The following DNM2 variants were observed in gnomAD, a reference collection of about 807,000 sequenced individuals.
The protein encoded by DNM2 is dynamin 2.
DNM2 carries 15 observed loss-of-function variants against 99.0 expected under a neutral mutation model. That is an observed-to-expected ratio of 0.15 (90% CI 0.10 to 0.23). The LOEUF (loss-of-function observed/expected upper bound fraction) is 0.23, where lower values mean the gene tolerates loss of function less well. Ranked by LOEUF, DNM2 falls within the 10% of genes least tolerant of loss-of-function variation. The probability of loss-of-function intolerance (pLI) is 1.00; values close to 1 mark genes in which losing one functional copy is unlikely to be tolerated. For synonymous variants in DNM2, 525 were observed against 481.2 expected (o/e 1.09, Z -1.19); for missense variants, 742 against 1,189.4 (o/e 0.62, Z 5.53).
At chr19:10,745,429 G>T (rs1316699787) in intron 1 of DNM2, among the ~76,000 whole-genome samples, 1 of 152,214 alleles carries the variant, frequency 6.6e-6, no homozygotes, top group Non-Finnish European at 1.5e-5. Context: ...TTCTAGTTGG[G>T]ACTGTTAGAT....
At chr19:10,762,362 C>T (rs1271234663) in intron 2 of DNM2, among the ~76,000 whole-genome samples, 1 of 152,170 alleles carries the variant, frequency 6.6e-6, no homozygotes, top group Non-Finnish European at 1.5e-5. Context: ...TAATGAGTCC[C>T]TGGTGATGCT....
In DNM2 at chr19:10,831,076, G is replaced by T; in HGVS notation, c.*29G>T. The T allele has an allele frequency of 1.3e-6, 2 of 1,579,128 alleles. No homozygotes were observed. The highest frequency in any genetic ancestry group is 8.6e-7 in the Non-Finnish European group (1 of 1,162,478). ...TCGAGGGGGGCGTGCTCTCGGGGGG[G>T]CCTCACGCACCCGCGGCGCAGGAGC... On this transcript the variant is annotated 3_prime_UTR_variant, in exon 21 of 21. Transcript: ENST00000389253. The surrounding 1 kb of genome is among the most constrained non-coding windows in gnomAD (Gnocchi z 4.3).
intron 1 of DNM2, among the ~76,000 whole-genome samples, chr19:10,728,721 G>T (rs1308157562): frequency 6.6e-6 from 1 of 152,252 alleles, no homozygotes; most frequent in South Asian, 2.1e-4. Context: ...GCCAAGGCGG[G>T]CAGATCACTT....
chr19:10,759,518 A>C, intron 1 of DNM2: 1 of 603,064 alleles, frequency 1.7e-6, no homozygotes, highest in Non-Finnish European at 3.0e-6. Context: ...GCCAGAGGGA[A>C]ATGGTTCTGG....
chr19:10,803,728 G>C (rs972363280), intron 12 of DNM2: 25 of 984,462 alleles, frequency 2.5e-5, no homozygotes, highest in South Asian at 1.9e-4. Flanking sequence ...GCCCTGGCTG[G>C]GTGGCCCCAG....
Position 10,831,030 on chromosome 19 carries a change from C to T in DNM2, c.2596C>T (p.Pro866Ser), listed in dbSNP as rs1242764198. The part of the protein sequence containing the change: ...SRPTIIRPAE[P>S]SLLD ...GCCCACCATTATCCGCCCAGCCGAG[C>T]CATCCCTGCTCGACTAGGCCTCGAG... Residue 866 changes from proline to serine, a missense_variant, in exon 21 of 21, where the codon CCA (proline) becomes TCA (serine). By Grantham distance (74) the Pro-to-Ser change is moderately conservative. Coordinates refer to ENST00000389253, the MANE Select transcript of DNM2 (RefSeq NM_001005361.3). This position sits in a 1 kb window ranked among gnomAD's most constrained non-coding sequence, Gnocchi z 4.3. 1.2e-6 allele frequency: 2 copies of T among 1,610,654 alleles called. No individual in the cohort carries two copies. The highest frequency in any genetic ancestry group is 1.7e-6 in the Non-Finnish European group (2 of 1,178,530).
At chr19:10,792,475 A>G (rs907235872) in intron 7 of DNM2, among the ~76,000 whole-genome samples, 3 of 152,232 alleles carry the variant, frequency 2.0e-5, no homozygotes, top group Non-Finnish European at 4.4e-5. Flanking sequence ...CTTTTTTACT[A>G]TTCACGATGC....
At chr19:10,815,847 G>A (rs1447037106) in intron 15 of DNM2, among the ~76,000 whole-genome samples, 1 of 152,170 alleles carries the variant, frequency 6.6e-6, no homozygotes, top group Non-Finnish European at 1.5e-5. Context: ...CCCCAGGATA[G>A]GCAGGACTGG....
chr19:10,764,479 A>G lies in DNM2; in HGVS notation c.235+4668A>G, dbSNP rs1352421249. Among the ~76,000 whole-genome samples the G allele has an allele frequency of 1.3e-5, 2 of 152,166 alleles. No individual in the cohort carries two copies. The highest frequency in any genetic ancestry group is 2.4e-5 in the African/African-American group (1 of 41,438). ...TAACCACCAGGAAGTTTGGTGGCCCATGAGTGAACCCTGCCCTCACTGGGA... is the reference window on the plus strand; with the variant it reads ...TAACCACCAGGAAGTTTGGTGGCCCGTGAGTGAACCCTGCCCTCACTGGGA... On this transcript the variant is annotated intron_variant, in intron 2 of 20. Coordinates refer to ENST00000389253, the MANE Select transcript of DNM2 (RefSeq NM_001005361.3). The surrounding 1 kb of genome is among the most constrained non-coding windows in gnomAD (Gnocchi z 4.1).
Position 10,747,122 on chromosome 19 carries a change from G to A in DNM2, c.162-12616G>A, listed in dbSNP as rs145753441. Among the ~76,000 whole-genome samples the A allele has an allele frequency of 9.2e-5, 14 of 151,520 alleles. No homozygotes were observed. In the South Asian group the frequency reaches 2.1e-3, roughly 23 times the overall value. On this transcript the variant is annotated intron_variant, in intron 1 of 20. Transcript: ENST00000389253. Reference sequence around the variant, plus strand: ...CAAACTCCTGGGCTCAAGAGATTGCGTGCCAAGGTGCTGGGATTATAGGCA... The same window carrying A: ...CAAACTCCTGGGCTCAAGAGATTGCATGCCAAGGTGCTGGGATTATAGGCA...
At chr19:10,743,809 CAAAAAAAAAAAA>C (rs35999203) in intron 1 of DNM2, among the ~76,000 whole-genome samples, 10 of 32,650 alleles carry the variant, frequency 3.1e-4, no homozygotes, top group African/African-American at 1.0e-3. Context: ...GACTCTGTCT[CAAAAAAAAAAAA>C]AAAAAAAAAA....
At chr19:10,778,990 C>T (rs571309641) in intron 5 of DNM2, among the ~76,000 whole-genome samples, 6 of 152,034 alleles carry the variant, frequency 3.9e-5, no homozygotes, top group South Asian at 2.1e-4. Context: ...CCAAGGCAGG[C>T]GGATCACAAG....
rs2072728637 is a variant in DNM2 at position 10,816,069 on chromosome 19, C to A, written c.1671+3692C>A. 1.3e-5 allele frequency among the ~76,000 whole-genome samples: 2 copies of A among 152,120 alleles called. No homozygotes were observed. Reference sequence around the variant, plus strand: ...CTATTCGGGTGGCTCTGTGGTCACCCCCATCTAAGGCTCTGAGCGGTGACT... The same window carrying A: ...CTATTCGGGTGGCTCTGTGGTCACCACCATCTAAGGCTCTGAGCGGTGACT... On this transcript the variant is annotated intron_variant, in intron 15 of 20. Transcript: ENST00000389253. The surrounding 1 kb of genome is among the most constrained non-coding windows in gnomAD (Gnocchi z 4.6).
chr19:10,827,567 C>A (rs1363141492), intron 18 of DNM2, among the ~76,000 whole-genome samples: 6 of 150,334 alleles, frequency 4.0e-5, no homozygotes, highest in Non-Finnish European at 7.4e-5. Flanking sequence ...GAGACCCTAT[C>A]TAAAAAAAAA....
chr19:10,735,253 T>C (rs539491272), intron 1 of DNM2, among the ~76,000 whole-genome samples: 4 of 152,040 alleles, frequency 2.6e-5, no homozygotes, highest in South Asian at 2.1e-4. Flanking sequence ...TTAGCCAGGA[T>C]GGTCTCGATC....
Position 10,772,922 on chromosome 19 carries a change from C to T in DNM2, c.385+294C>T, listed in dbSNP as rs1171880696. Among the ~76,000 whole-genome samples, 1 of 151,804 alleles carries T rather than the reference C, an allele frequency of 6.6e-6. No individual in the cohort carries two copies. The highest frequency in any genetic ancestry group is 1.5e-5 in the Non-Finnish European group (1 of 68,010). On this transcript the variant is annotated intron_variant, in intron 3 of 20. Transcript: ENST00000389253. The surrounding 1 kb of genome is among the most constrained non-coding windows in gnomAD (Gnocchi z 4.9). ...GCAGCCACCACTTGGCTCAAGGCAG[C>T]CAGATCTGCTGGTGCCTCAAGAGAG...
intron 1 of DNM2, among the ~76,000 whole-genome samples, chr19:10,740,438 C>A (rs895404567): frequency 6.6e-6 from 1 of 151,492 alleles, no homozygotes; most frequent in Admixed American, 6.6e-5. Flanking sequence ...TGCAGTGGCA[C>A]GATCTTGGCT....
chr19:10,786,135 C>T (rs1457186720), intron 6 of DNM2, among the ~76,000 whole-genome samples: 1 of 152,206 alleles, frequency 6.6e-6, no homozygotes, highest in Non-Finnish European at 1.5e-5. Context: ...TTGCTTTTCT[C>T]TGTAGATGCA....
At chr19:10,729,188 A>AT (rs2069220593) in intron 1 of DNM2, among the ~76,000 whole-genome samples, 14 of 147,446 alleles carry the variant, frequency 9.5e-5, no homozygotes, top group South Asian at 6.4e-4. Context: ...AAAAAAAAAA[A>AT]AATATAAAAA....
Sources: gnomAD v4.1 joint callset for allele counts (sites outside exome capture counted in the v4.1 genomes callset) on GRCh38, gnomAD v4.1.1 for gene constraint, Gnocchi (gnomAD v3.1) non-coding constraint, MANE v1.5 for transcripts, NCBI Gene and HGNC (gene_info 2026-07-23, HGNC 2026-07-21) for gene names.